Variants in CADM2 observed in about 807,000 individuals in gnomAD.
The protein encoded by CADM2 is cell adhesion molecule 2.
CADM2 carries 12 observed loss-of-function variants against 49.8 expected under a neutral mutation model. That is an observed-to-expected ratio of 0.24 (90% CI 0.15 to 0.39). The LOEUF (loss-of-function observed/expected upper bound fraction) is 0.39. Among genes scored for constraint, CADM2 ranks in the 10% least tolerant of loss-of-function variants. CADM2 has a pLI of 1.00. For missense variants in CADM2, 378 were observed against 492.3 expected, an observed-to-expected ratio of 0.77 and a Z score of 2.20; for synonymous variants, 214 against 175.4, an observed-to-expected ratio of 1.22 and a Z score of -1.74.
At chr3:85,934,811 G>A (rs1721001162) in intron 6 of CADM2, among the ~76,000 whole-genome samples, 1 of 151,934 alleles carries the variant, frequency 6.6e-6, no homozygotes, top group African/African-American at 2.4e-5. Context: ...CAGTCCTTCT[G>A]TTACAGCTAA....
intron 1 of CADM2, among the ~76,000 whole-genome samples, chr3:85,614,420 G>A (rs998001527): frequency 6.6e-6 from 1 of 151,614 alleles, no homozygotes; most frequent in Non-Finnish European, 1.5e-5. Flanking sequence ...CATTTGCAGA[G>A]AAAAATAATT....
At chr3:85,213,891 C>CAA (rs1251140099) in intron 1 of CADM2, among the ~76,000 whole-genome samples, 4 of 152,020 alleles carry the variant, frequency 2.6e-5, no homozygotes, top group Non-Finnish European at 5.9e-5. Flanking sequence ...CTTGCATGTT[C>CAA]AACTCCATAA....
chr3:85,995,901 A>C (rs1377633004), intron 8 of CADM2, among the ~76,000 whole-genome samples: 1 of 151,946 alleles, frequency 6.6e-6, no homozygotes, highest in Non-Finnish European at 1.5e-5. Flanking sequence ...CGTCCTGGCT[A>C]ACCAGGTGAA....
chr3:85,499,680 T>C (rs2040038378), intron 1 of CADM2, among the ~76,000 whole-genome samples: 1 of 152,114 alleles, frequency 6.6e-6, no homozygotes, highest in South Asian at 2.1e-4. Context: ...CTTTTTAAGA[T>C]ACAGTTGGGA....
chr3:85,768,576 C>T (rs2069800485), intron 2 of CADM2, among the ~76,000 whole-genome samples: 1 of 148,848 alleles, frequency 6.7e-6, no homozygotes, highest in African/African-American at 2.5e-5. Flanking sequence ...CAATAGCAAT[C>T]ACTGTTAAAA....
chr3:85,744,853 C>T (rs1440415565), intron 2 of CADM2, among the ~76,000 whole-genome samples: 1 of 152,120 alleles, frequency 6.6e-6, no homozygotes, highest in African/African-American at 2.4e-5. Flanking sequence ...AAGGGCTCAA[C>T]TTTTACTCTG....
chr3:85,234,796 A>G (rs187250341), intron 1 of CADM2, among the ~76,000 whole-genome samples: 1 of 152,244 alleles, frequency 6.6e-6, no homozygotes, highest in East Asian at 1.9e-4. Context: ...TTGCAATTGC[A>G]AACATATTCA....
chr3:85,093,287 G>A (rs572724674), intron 1 of CADM2, among the ~76,000 whole-genome samples: 34 of 152,102 alleles, frequency 2.2e-4, no homozygotes, highest in African/African-American at 5.8e-4. Flanking sequence ...TTGGGAGGCC[G>A]AGGTGGGCAG....
At chr3:85,577,984 T>TTCCTTCCTTCC (rs2062685649) in intron 1 of CADM2, among the ~76,000 whole-genome samples, 10 of 134,220 alleles carry the variant, frequency 7.5e-5, no homozygotes, top group South Asian at 2.7e-4. Context: ...TATTAATCTC[T>TTCCTTCCTTCC]TTCCTTCCTT....
intron 3 of CADM2, among the ~76,000 whole-genome samples, chr3:85,861,662 G>C (rs542035291): frequency 4.6e-5 from 7 of 152,156 alleles, no homozygotes; most frequent in African/African-American, 1.7e-4. Context: ...TTAATCAGTG[G>C]ATATTTGTTG....
intron 1 of CADM2, among the ~76,000 whole-genome samples, chr3:85,062,556 A>T (rs1486242715): frequency 6.6e-6 from 1 of 151,968 alleles, no homozygotes; most frequent in Non-Finnish European, 1.5e-5. Flanking sequence ...ACTAAAAATA[A>T]TTTTTAAAAT....
intron 1 of CADM2, among the ~76,000 whole-genome samples, chr3:85,061,018 A>G (rs183783357): frequency 6.6e-6 from 1 of 152,162 alleles, no homozygotes; most frequent in Non-Finnish European, 1.5e-5. Flanking sequence ...ATGCTGAAGA[A>G]CTGTTAATCT....
At chr3:85,064,180 G>T (rs1470004962) in intron 1 of CADM2, among the ~76,000 whole-genome samples, 1 of 152,082 alleles carries the variant, frequency 6.6e-6, no homozygotes, top group African/African-American at 2.4e-5. Flanking sequence ...GTTATACATT[G>T]TTTCCAGTGT....
chr3:85,844,482 A>G (rs1051404499), intron 3 of CADM2, among the ~76,000 whole-genome samples: 2 of 152,130 alleles, frequency 1.3e-5, no homozygotes, highest in Admixed American at 6.5e-5. Flanking sequence ...CCCTAAAATG[A>G]AGAAAGAAAC....
chr3:85,560,536 A>G (rs2062066773), intron 1 of CADM2, among the ~76,000 whole-genome samples: 1 of 152,240 alleles, frequency 6.6e-6, no homozygotes. Flanking sequence ...GGAGAGGCAG[A>G]CATTCCACAT....
At chr3:85,003,158 A>G (rs1468986254) in intron 1 of CADM2, among the ~76,000 whole-genome samples, 1 of 152,120 alleles carries the variant, frequency 6.6e-6, no homozygotes, top group Non-Finnish European at 1.5e-5. Flanking sequence ...AGAAGTAGCT[A>G]GAGATAAAAG....
intron 1 of CADM2, among the ~76,000 whole-genome samples, chr3:85,427,102 G>A (rs1469403649): frequency 2.0e-5 from 3 of 146,822 alleles, no homozygotes; most frequent in Admixed American, 1.4e-4. Flanking sequence ...ATCCTTGTTC[G>A]GGACCATTAA....
chr3:84,988,871 T>C (rs941258617), intron 1 of CADM2, among the ~76,000 whole-genome samples: 2 of 152,214 alleles, frequency 1.3e-5, no homozygotes, highest in African/African-American at 4.8e-5. Flanking sequence ...TCTCTCCTTT[T>C]ACTCTGCCTA....
At chr3:85,595,999 T>A (rs917673469) in intron 1 of CADM2, among the ~76,000 whole-genome samples, 9 of 152,060 alleles carry the variant, frequency 5.9e-5, no homozygotes, top group Admixed American at 5.9e-4. Context: ...TGTCATGTAT[T>A]TTTTCTTCAC....
Sources: gnomAD v4.1 joint callset for allele counts (sites outside exome capture counted in the v4.1 genomes callset) on GRCh38, gnomAD v4.1.1 for gene constraint, MANE v1.5 for transcripts, NCBI Gene and HGNC (gene_info 2026-07-23, HGNC 2026-07-21) for gene names.